Variants in RORA observed in about 807,000 individuals in gnomAD.
The protein encoded by RORA is RAR related orphan receptor A.
In RORA, 7 loss-of-function variants were observed where a neutral mutation model predicts 69.5. The ratio of observed to expected loss-of-function variants is 0.10; its 90% CI spans 0.06 to 0.19. The LOEUF (loss-of-function observed/expected upper bound fraction) is 0.19, where lower values mean the gene tolerates loss of function less well. RORA is among the 10% of genes least tolerant of loss of function. The pLI, the probability that RORA is intolerant of heterozygous loss-of-function variation, is 1.00. For missense variants in RORA, 457 were observed against 663.0 expected (o/e 0.69, Z 3.41); for synonymous variants, 261 against 240.8 (o/e 1.08, Z -0.78).
chr15:61,023,537 C>T (rs1388058909), intron 1 of RORA, among the ~76,000 whole-genome samples: 3 of 152,162 alleles, frequency 2.0e-5, no homozygotes, highest in Non-Finnish European at 2.9e-5. Flanking sequence ...AGTACAGTTC[C>T]AGATGAGATT....
At chr15:60,647,095 T>C (rs2070059606) in intron 2 of RORA, among the ~76,000 whole-genome samples, 1 of 152,216 alleles carries the variant, frequency 6.6e-6, no homozygotes, top group South Asian at 2.1e-4. Flanking sequence ...ATGGGCCATG[T>C]CATTCTTGCT....
rs575432037 is a variant in RORA at position 60,933,268 on chromosome 15, T to A, written c.167-254582A>T. On this transcript the variant is annotated intron_variant, in intron 1 of 10. Coordinates refer to ENST00000335670, the MANE Select transcript of RORA (RefSeq NM_134261.3). ...AGCCTGGTATTCAAATCCCAATCTA[T>A]CTTTTAAGCCTCAGCTTCCTCTATT... Among the ~76,000 whole-genome samples, 10 of 152,332 alleles carry A rather than the reference T, an allele frequency of 6.6e-5. No individual in the cohort carries two copies. The South Asian group carries it at 2.1e-3, about 32-fold the overall frequency.
chr15:60,797,273 C>A (rs536415897), intron 1 of RORA, among the ~76,000 whole-genome samples: 55 of 152,022 alleles, frequency 3.6e-4, no homozygotes, highest in African/African-American at 1.3e-3. Flanking sequence ...GTAAGTTGTA[C>A]ATTATGTGTA....
chr15:61,119,092 G>T (rs1027917048), intron 1 of RORA, among the ~76,000 whole-genome samples: 2 of 146,052 alleles, frequency 1.4e-5, no homozygotes, highest in Non-Finnish European at 3.0e-5. Context: ...GGGGGGGGGG[G>T]GCGCCATGGA....
intron 2 of RORA, among the ~76,000 whole-genome samples, chr15:60,598,081 G>C (rs1172634645): frequency 6.6e-6 from 1 of 151,990 alleles, no homozygotes; most frequent in Non-Finnish European, 1.5e-5. Flanking sequence ...AAGGAGAGTA[G>C]AGCCTTGTAG....
chr15:60,981,287 G>C (rs947856554), intron 1 of RORA, among the ~76,000 whole-genome samples: 2 of 151,998 alleles, frequency 1.3e-5, no homozygotes, highest in Non-Finnish European at 2.9e-5. Flanking sequence ...TCTCAGTGCA[G>C]ATCTATTCTA....
intron 2 of RORA, among the ~76,000 whole-genome samples, chr15:60,600,274 G>A (rs1319931330): frequency 6.6e-6 from 1 of 152,218 alleles, no homozygotes; most frequent in Admixed American, 6.5e-5. Flanking sequence ...GCAGCTAGGA[G>A]CGTTCCAGGA....
Position 60,615,968 on chromosome 15 carries a change from T to TG in RORA, c.196+62688dup, listed in dbSNP as rs1253087383. Among the ~76,000 whole-genome samples the TG allele has an allele frequency of 5.3e-5, 8 of 152,268 alleles. No homozygotes were observed. In the South Asian group the frequency reaches 1.7e-3, roughly 32 times the overall value. ...ATGATTGTTATGAGCATGTCTCATT[T>TG]GGGGGGTGCTGAATTTAGTTCCTCT... is the stretch of plus-strand genomic sequence containing the variant. On this transcript the variant is annotated intron_variant, in intron 2 of 10. Coordinates refer to ENST00000335670, the MANE Select transcript of RORA (RefSeq NM_134261.3).
intron 1 of RORA, among the ~76,000 whole-genome samples, chr15:61,022,580 G>A (rs1375119057): frequency 6.6e-6 from 1 of 152,122 alleles, no homozygotes; most frequent in Admixed American, 6.5e-5. Context: ...GCTATGGACT[G>A]GGATGGGGTC....
intron 1 of RORA, among the ~76,000 whole-genome samples, chr15:60,850,363 A>G (rs2073311139): frequency 6.6e-6 from 1 of 152,020 alleles, no homozygotes; most frequent in Non-Finnish European, 1.5e-5. Context: ...TTTGATTCTG[A>G]GGATATTAAG....
intron 1 of RORA, among the ~76,000 whole-genome samples, chr15:60,741,090 C>A (rs529873600): frequency 6.6e-6 from 1 of 152,070 alleles, no homozygotes; most frequent in East Asian, 1.9e-4. Flanking sequence ...AGTGATAAAC[C>A]GCTTGAGTTA....
intron 1 of RORA, among the ~76,000 whole-genome samples, chr15:61,008,413 C>G (rs1236292297): frequency 6.6e-6 from 1 of 152,064 alleles, no homozygotes; most frequent in Non-Finnish European, 1.5e-5. Flanking sequence ...ACCCACAAGC[C>G]AGGTATATCA....
chr15:60,880,649 A>C (rs1264389629), intron 1 of RORA, among the ~76,000 whole-genome samples: 1 of 152,146 alleles, frequency 6.6e-6, no homozygotes, highest in Non-Finnish European at 1.5e-5. Context: ...AAAACCAATG[A>C]ATTTCAACAA....
intron 2 of RORA, among the ~76,000 whole-genome samples, chr15:60,538,519 A>T (rs530748878): frequency 6.7e-6 from 1 of 150,028 alleles, no homozygotes; most frequent in African/African-American, 2.5e-5. Flanking sequence ...CAAAGAGAAT[A>T]AAAATTACAC....
intron 2 of RORA, among the ~76,000 whole-genome samples, chr15:60,581,016 C>T (rs1235367808): frequency 6.6e-6 from 1 of 152,194 alleles, no homozygotes; most frequent in Non-Finnish European, 1.5e-5. Context: ...AACTACAGCA[C>T]CCACATTTTC....
At chr15:61,054,831 T>G (rs1226500021) in intron 1 of RORA, among the ~76,000 whole-genome samples, 1 of 150,512 alleles carries the variant, frequency 6.6e-6, no homozygotes, top group African/African-American at 2.4e-5. Flanking sequence ...TTTTTGTTTT[T>G]TTTTTTTTTG....
chr15:60,541,575 G>A (rs938793839), intron 2 of RORA, among the ~76,000 whole-genome samples: 2 of 152,198 alleles, frequency 1.3e-5, no homozygotes, highest in Admixed American at 1.3e-4. Flanking sequence ...GGAGCTGGTG[G>A]CTATTTCTTA....
intron 1 of RORA, among the ~76,000 whole-genome samples, chr15:60,721,038 A>T (rs2071286980): frequency 6.6e-6 from 1 of 152,092 alleles, no homozygotes; most frequent in East Asian, 1.9e-4. Flanking sequence ...TCCACCATCA[A>T]TCAAACAAAC....
At position 60,537,946 on chromosome 15, in the gene RORA, A is replaced by AGTTTTT. The variant is rs1270272141; in HGVS notation, c.197-6101_197-6096dup. On this transcript the variant is annotated intron_variant, in intron 2 of 10. Coordinates refer to ENST00000335670, the MANE Select transcript of RORA (RefSeq NM_134261.3). The surrounding 1 kb of genome is among the most constrained non-coding windows in gnomAD (Gnocchi z 4.9). ...TTGCAGAATTCTATATAGTTTTCAA[A>AGTTTTT]GTTTTTATCCTTGTTAGCTTGCTTT... is the stretch of plus-strand genomic sequence containing the variant. Among the ~76,000 whole-genome samples, 4 of 152,138 alleles carry AGTTTTT rather than the reference A, an allele frequency of 2.6e-5. No homozygotes were observed. The highest frequency in any genetic ancestry group is 4.4e-5 in the Non-Finnish European group (3 of 68,010).
Sources: allele counts gnomAD v4.1 joint callset (sites outside exome capture counted in the v4.1 genomes callset), GRCh38; gene constraint gnomAD v4.1.1; non-coding constraint Gnocchi (gnomAD v3.1); transcripts MANE v1.5; gene names NCBI Gene and HGNC (gene_info 2026-07-23, HGNC 2026-07-21).